The following PFKFB1 variants were observed in gnomAD, a reference collection of about 807,000 sequenced individuals.
The protein encoded by PFKFB1 is 6-phosphofructo-2-kinase/fructose-2,6-bisphosphatase 1.
Under a neutral mutation model 46.4 loss-of-function variants are expected in PFKFB1, and 34 were observed. That is an observed-to-expected ratio of 0.73 (90% CI 0.56 to 0.98). The LOEUF (loss-of-function observed/expected upper bound fraction) is 0.98. PFKFB1 is among the 50% of genes least tolerant of loss of function. The pLI is 0.00. For synonymous variants in PFKFB1, 119 were observed against 133.8 expected (o/e 0.89, Z 0.76); for missense variants, 393 against 376.3 (o/e 1.04, Z -0.37).
rs747891435 is a variant in PFKFB1, at chrX:54,992,942, C to T, written c.97+969G>A. Among the ~76,000 whole-genome samples, 7 of 111,642 alleles carry T rather than the reference C, an allele frequency of 6.3e-5. No individual in the cohort carries two copies. In the South Asian group the frequency reaches 2.7e-3, roughly 42 times the overall value. ...ACACCCTACCTCCTGTATATTATAA[C>T]TATATTTAACATCCTATATGCTCCT... On this transcript the variant is annotated intron_variant, in intron 1 of 13. Transcript: ENST00000375006.
chrX:54,960,068 C>T (rs1428723652), intron 3 of PFKFB1, among the ~76,000 whole-genome samples, 175 bp from the exon 4 acceptor site: 1 of 112,647 alleles, frequency 8.9e-6, no homozygotes, highest in Non-Finnish European at 1.9e-5. Context: ...ACAGAGGGGT[C>T]AAACAGTTGA....
intron 11 of PFKFB1, 73 bp from the exon 12 acceptor site, chrX:54,935,082 T>A: frequency 3.8e-6 from 3 of 795,190 alleles, no homozygotes; most frequent in Non-Finnish European, 5.6e-6. Flanking sequence ...GCCCCCAGGC[T>A]TGCTGGATGC....
intron 11 of PFKFB1, 116 bp from the exon 12 acceptor site, chrX:54,935,125 C>T: frequency 3.5e-6 from 2 of 565,967 alleles, no homozygotes; most frequent in Admixed American, 2.7e-5. Context: ...CGTGGTGGGG[C>T]CTCACCAGGG....
At chrX:54,995,062 A>C (rs1212529669), upstream of PFKFB1, among the ~76,000 whole-genome samples, 1 of 111,696 alleles carries the variant, frequency 9.0e-6, no homozygotes, top group Admixed American at 9.5e-5. Flanking sequence ...CAATGGCCTC[A>C]AAGTAGGACA....
In PFKFB1 at chrX:54,944,288, TA is replaced by T. The variant is rs201435839; in HGVS notation, c.1098+1150del. Among the ~76,000 whole-genome samples the T allele has an allele frequency of 6.3e-3, 705 of 111,177 alleles. 6 individuals carry two copies. The highest frequency in any genetic ancestry group is 0.021 in the African/African-American group (650 of 30,642). On this transcript the variant is annotated intron_variant, in intron 10 of 13. Transcript: ENST00000375006. The stretch of plus-strand genomic sequence containing the variant: ...AAATTATATAACTTAAATATGGATA[TA>T]AAAACTTTATCAATCCTAAAGAGGG...
At chrX:54,943,150 C>T (rs1057385333) in intron 10 of PFKFB1, among the ~76,000 whole-genome samples, 4 of 111,301 alleles carry the variant, frequency 3.6e-5, no homozygotes, top group Non-Finnish European at 5.7e-5. Flanking sequence ...CTCACTAATC[C>T]CAAGCTATAC....
intron 7 of PFKFB1, among the ~76,000 whole-genome samples, chrX:54,955,733 A>G (rs186987261): frequency 1.8e-5 from 2 of 112,164 alleles, no homozygotes; most frequent in Admixed American, 1.9e-4. Context: ...TCTAAGACTC[A>G]ATTTCTTTTT....
At chrX:54,989,153 G>A (rs1174273641) in intron 1 of PFKFB1, among the ~76,000 whole-genome samples, 2 of 111,509 alleles carry the variant, frequency 1.8e-5, no homozygotes, top group African/African-American at 6.5e-5. Context: ...AATTAGTGGT[G>A]ATGGTTACAC....
intron 10 of PFKFB1, among the ~76,000 whole-genome samples, chrX:54,943,745 C>T (rs1270015413): frequency 2.8e-5 from 3 of 106,113 alleles, no homozygotes; most frequent in African/African-American, 3.5e-5. Context: ...AGCGAGACTC[C>T]GTCTCAAAAA....
At chrX:54,934,024 G>A (rs1933307417) in intron 12 of PFKFB1, 139 bp from the exon 13 acceptor site, 1 of 467,426 alleles carries the variant, frequency 2.1e-6, no homozygotes, top group East Asian at 3.7e-5. Flanking sequence ...CCTGTATGGA[G>A]GAGAATTTAG....
intron 7 of PFKFB1, among the ~76,000 whole-genome samples, chrX:54,954,788 C>T (rs1331300063): frequency 8.9e-6 from 1 of 112,103 alleles, no homozygotes; most frequent in African/African-American, 3.2e-5. Context: ...TTTGATTCCA[C>T]GTTCAGGGCT....
chrX:54,997,292 G>A (rs1935371399), upstream of PFKFB1, among the ~76,000 whole-genome samples: 1 of 111,837 alleles, frequency 8.9e-6, no homozygotes. Context: ...ACAGATAAAA[G>A]AATGAAGTCC....
chrX:54,933,831 T>C lies in PFKFB1; in HGVS notation c.1346A>G (p.Glu449Gly). 1.7e-6 allele frequency: 2 copies of C among 1,209,065 alleles called. No homozygotes were observed. The highest frequency in any genetic ancestry group is 2.2e-6 in the Non-Finnish European group (2 of 893,227). ...GAGTCCCCCACCTACCTCAGGCTTC[T>C]CCCGGTGTGTGTTCACGGCCTCCAC... Reference protein sequence around the residue: ...LNVEAVNTHREKPENVDITRE... With the variant: ...LNVEAVNTHRGKPENVDITRE... The change falls in exon 13 of 14, where the codon GAG becomes GGG. Residue 449 changes from glutamate to glycine, a missense_variant. By Grantham distance (98) the Glu-to-Gly change is moderately conservative. Coordinates refer to ENST00000375006, the MANE Select transcript of PFKFB1 (RefSeq NM_002625.4).
upstream of PFKFB1, among the ~76,000 whole-genome samples, chrX:54,995,886 A>G (rs1162399172): frequency 1.8e-5 from 2 of 112,584 alleles, no homozygotes; most frequent in African/African-American, 6.4e-5. Context: ...AACATTTATA[A>G]TACACAAAGA....
At chrX:54,989,196 C>T (rs1193183223) in intron 1 of PFKFB1, among the ~76,000 whole-genome samples, 1 of 111,432 alleles carries the variant, frequency 9.0e-6, no homozygotes, top group Admixed American at 9.6e-5. Flanking sequence ...CCACTGTATA[C>T]TTCAAAATGG....
intron 8 of PFKFB1, among the ~76,000 whole-genome samples, chrX:54,949,719 C>T (rs751364342): frequency 4.3e-4 from 48 of 112,397 alleles, no homozygotes; most frequent in African/African-American, 1.5e-3. Context: ...ACCCCTTGGT[C>T]GTGTGATATG....
At chrX:54,974,905 T>C (rs1408044196) in intron 1 of PFKFB1, among the ~76,000 whole-genome samples, 2 of 111,197 alleles carry the variant, frequency 1.8e-5, no homozygotes, top group Non-Finnish European at 3.8e-5. Flanking sequence ...CACAATGAGA[T>C]ACCACCTTAC....
At position 54,933,476 on chromosome X, in the gene PFKFB1, G is replaced by T; in HGVS notation, c.1357-14C>A. On this transcript the variant is annotated splice_polypyrimidine_tract_variant and intron_variant, in intron 13 of 13. Transcript: ENST00000375006. ...GATGTCCACATTCTGAGGAGAGAGC[G>T]CAGGATTAATAGGAAGGAGACAGCA... is the stretch of plus-strand genomic sequence containing the variant. 1.7e-6 allele frequency: 2 copies of T among 1,189,323 alleles called. No homozygotes were observed. The highest frequency in any genetic ancestry group is 2.3e-6 in the Non-Finnish European group (2 of 875,505).
chrX:54,940,603 A>C (rs1299129613), intron 10 of PFKFB1, among the ~76,000 whole-genome samples: 1 of 111,963 alleles, frequency 8.9e-6, no homozygotes, highest in Admixed American at 9.5e-5. Flanking sequence ...AAAAACAGAC[A>C]AACAGAGAGC....
Sources: allele counts gnomAD v4.1 joint callset (sites outside exome capture counted in the v4.1 genomes callset), GRCh38; gene constraint gnomAD v4.1.1; transcripts MANE v1.5; gene names NCBI Gene and HGNC (gene_info 2026-07-23, HGNC 2026-07-21).